PLD5: variants seen among roughly 807,000 people sequenced by gnomAD.
PLD5 encodes inactive phospholipase D5.
A neutral mutation model predicts 61.1 loss-of-function variants in PLD5; 36 were observed. That is an observed-to-expected ratio of 0.59 (90% CI 0.45 to 0.78). The LOEUF (loss-of-function observed/expected upper bound fraction) is 0.78. PLD5 is among the 30% of genes least tolerant of loss of function. The pLI is 0.00. For missense variants in PLD5, 515 were observed against 644.4 expected (o/e 0.80, Z 2.17); for synonymous variants, 243 against 242.8 (o/e 1.00, Z -0.01).
chr1:242,468,421 G>A lies in PLD5; in HGVS notation c.189+55667C>T, dbSNP rs76935590. ...TGTAGTAAATAAATTCAAGTAATTT[G>A]GGGGCAAAGTAAAATAGAATAGCCT... On this transcript the variant is annotated intron_variant, in intron 1 of 9. Transcript: ENST00000536534. Among the ~76,000 whole-genome samples, 488 of 152,136 alleles carry A rather than the reference G, an allele frequency of 3.2e-3. 5 individuals are homozygous for A. Among genetic ancestry groups the A allele is most frequent in the African/African-American group, 0.011 (463 of 41,510 alleles).
intron 1 of PLD5, among the ~76,000 whole-genome samples, chr1:242,500,115 T>G (rs986266174): frequency 6.6e-6 from 1 of 152,298 alleles, no homozygotes; most frequent in Middle Eastern, 3.4e-3. Flanking sequence ...GCCTTGGATG[T>G]CACATAGTGT....
chr1:242,392,522 A>G (rs1662993063), intron 1 of PLD5, among the ~76,000 whole-genome samples: 1 of 152,192 alleles, frequency 6.6e-6, no homozygotes, highest in Admixed American at 6.5e-5. Context: ...AGCAGCATTG[A>G]GCCAAAGCTC....
At chr1:242,449,453 G>T (rs761455949) in intron 1 of PLD5, 1 of 1,534,948 alleles carries the variant, frequency 6.5e-7, no homozygotes. Context: ...CAGAGGCAGA[G>T]AATGTTTCAT....
chr1:242,205,382 T>C (rs960331201), intron 5 of PLD5, among the ~76,000 whole-genome samples: 6 of 152,240 alleles, frequency 3.9e-5, no homozygotes, highest in African/African-American at 1.4e-4. Flanking sequence ...TGCCAAATTG[T>C]CCCTTTAAAA....
chr1:242,083,461 G>C lies in PLD5; in HGVS notation c.*6393C>G, dbSNP rs549993443. ...GCTCCTGCAGGAGCTGTGGAGGTAG[G>C]GTCTCTCCAAGACACCAGGAAAACT... On this transcript the variant is annotated 3_prime_UTR_variant, in exon 10 of 10. Transcript: ENST00000536534. 8.3e-4 allele frequency: 127 copies of C among 152,192 alleles called. 1 individual carries two copies. The highest frequency in any genetic ancestry group is 2.8e-3 in the African/African-American group (118 of 41,512). The allele number at this position is 152,192 out of a possible 1,614,324, so 9.4% of individuals were successfully genotyped here. A position where few individuals can be genotyped will look rare whatever the true frequency, so the allele number is the denominator to read the frequency against.
At chr1:242,329,504 C>T (rs2149199347) in intron 2 of PLD5, among the ~76,000 whole-genome samples, 1 of 152,244 alleles carries the variant, frequency 6.6e-6, no homozygotes, top group Non-Finnish European at 1.5e-5. Context: ...CTGGTCATCT[C>T]CACTCAGGTG....
At chr1:242,174,064 A>C (rs550371386) in intron 5 of PLD5, among the ~76,000 whole-genome samples, 191 of 152,334 alleles carry the variant, frequency 1.3e-3, no homozygotes, top group African/African-American at 4.5e-3. Flanking sequence ...TAATTAAACT[A>C]AAGAGCTTCT....
At chr1:242,204,720 G>A (rs145821470) in intron 5 of PLD5, among the ~76,000 whole-genome samples, 3 of 152,222 alleles carry the variant, frequency 2.0e-5, no homozygotes, top group Middle Eastern at 3.4e-3. Flanking sequence ...GCAGGGGGTC[G>A]GTATTATTAG....
chr1:242,143,980 A>G (rs554900564), intron 5 of PLD5, among the ~76,000 whole-genome samples: 1 of 151,806 alleles, frequency 6.6e-6, no homozygotes, highest in Non-Finnish European at 1.5e-5. Flanking sequence ...AGCGATTCTC[A>G]TGCCTCAGCC....
intron 1 of PLD5, among the ~76,000 whole-genome samples, chr1:242,476,037 C>A (rs528124233): frequency 6.6e-6 from 1 of 152,306 alleles, no homozygotes; most frequent in East Asian, 1.9e-4. Context: ...TTGCTACGCC[C>A]TAGCAAACTA....
intron 1 of PLD5, among the ~76,000 whole-genome samples, chr1:242,462,068 T>C (rs1667136220): frequency 1.3e-5 from 2 of 152,378 alleles, no homozygotes; most frequent in African/African-American, 4.8e-5. Flanking sequence ...AGAAACTCTT[T>C]CATTTAATTA....
intron 1 of PLD5, among the ~76,000 whole-genome samples, chr1:242,470,664 C>T (rs1000673247): frequency 1.3e-5 from 2 of 152,148 alleles, no homozygotes; most frequent in Non-Finnish European, 2.9e-5. Flanking sequence ...TATCAATACT[C>T]GTGGTGATGA....
chr1:242,215,647 C>A (rs149433191), intron 5 of PLD5, among the ~76,000 whole-genome samples: 3 of 152,054 alleles, frequency 2.0e-5, no homozygotes, highest in African/African-American at 7.2e-5. Context: ...TCTAGCACAA[C>A]GCATCAAACC....
At position 242,088,698 on chromosome 1, in the gene PLD5, G is replaced by T. The variant is rs1659591697; in HGVS notation, c.*1156C>A. Reference sequence around the variant, plus strand: ...TAGCAATGGTCTCCATTAATACAGGGGTATATATTGTATAGATATAAAACA... The same window carrying T: ...TAGCAATGGTCTCCATTAATACAGGTGTATATATTGTATAGATATAAAACA... On this transcript the variant is annotated 3_prime_UTR_variant, in exon 10 of 10. Transcript: ENST00000536534. 6.6e-6 allele frequency: 1 copy of T among 151,846 alleles called. No individual in the cohort carries two copies. The highest frequency in any genetic ancestry group is 1.5e-5 in the Non-Finnish European group (1 of 67,984). 9.4% of individuals were successfully genotyped at this position (151,846 alleles called of 1,614,324 possible). A position where few individuals can be genotyped will look rare whatever the true frequency, so the allele number is the denominator to read the frequency against.
chr1:242,334,820 T>C (rs149103472), intron 2 of PLD5, among the ~76,000 whole-genome samples: 1,762 of 152,326 alleles, frequency 0.012, 17 homozygotes, highest in Middle Eastern at 0.031. Flanking sequence ...TACAGAAAGT[T>C]GGCAGCAAGA....
the PLD5 span, among the ~76,000 whole-genome samples, chr1:242,530,293 T>C: frequency 1.3e-5 from 2 of 152,226 alleles, no homozygotes; most frequent in East Asian, 1.9e-4. Flanking sequence ...CTTTACCTAA[T>C]TGAATCTGTC....
chr1:242,402,097 T>C (rs1663967347), intron 1 of PLD5, among the ~76,000 whole-genome samples: 1 of 152,168 alleles, frequency 6.6e-6, no homozygotes, highest in South Asian at 2.1e-4. Flanking sequence ...GCTGAGAAAA[T>C]GACTAAGAGA....
chr1:242,120,116 GA>G (rs1245614907), intron 6 of PLD5, among the ~76,000 whole-genome samples: 1 of 152,082 alleles, frequency 6.6e-6, no homozygotes, highest in Non-Finnish European at 1.5e-5. Flanking sequence ...AAAATATCCA[GA>G]AAAAGGCAGA....
intron 2 of PLD5, chr1:242,345,756 G>A: frequency 3.3e-6 from 2 of 614,638 alleles, no homozygotes; most frequent in Non-Finnish European, 6.0e-6. Context: ...AGAAAAGGTG[G>A]TGAAACAACA....
Sources: allele counts gnomAD v4.1 joint callset (sites outside exome capture counted in the v4.1 genomes callset), GRCh38; gene constraint gnomAD v4.1.1; transcripts MANE v1.5; gene names NCBI Gene and HGNC (gene_info 2026-07-23, HGNC 2026-07-21).